The following SBF2 variants were observed in gnomAD, a reference collection of about 807,000 sequenced individuals.
The protein encoded by SBF2 is SET binding factor 2.
In SBF2, 112 loss-of-function variants were observed where a neutral mutation model predicts 225.2. The observed-to-expected ratio is 0.50, with a 90% CI of 0.43 to 0.58. SBF2 has a LOEUF of 0.58. Ranked by LOEUF, SBF2 falls within the 20% of genes least tolerant of loss-of-function variation. SBF2 has a pLI of 0.00. For missense variants in SBF2, 1,996 were observed against 2,206.2 expected, an observed-to-expected ratio of 0.90 and a Z score of 1.91; for synonymous variants, 763 against 773.3, an observed-to-expected ratio of 0.99 and a Z score of 0.22.
intron 25 of SBF2, among the ~76,000 whole-genome samples, chr11:9,840,240 C>T (rs569479265): frequency 2.0e-4 from 29 of 146,770 alleles, no homozygotes; most frequent in African/African-American, 6.4e-4. Context: ...TCTCAAACCC[C>T]GCCCCCAGCC....
chr11:10,098,230 A>C (rs982773922), intron 2 of SBF2, among the ~76,000 whole-genome samples: 20 of 152,140 alleles, frequency 1.3e-4, no homozygotes, highest in African/African-American at 4.6e-4. Context: ...GAGAAAATTA[A>C]AGGAGGCTCT....
In SBF2 at chr11:10,254,900, C is replaced by CAAAAAAAA. The variant is rs71034757; in HGVS notation, c.55+39107_55+39114dup. 2.0e-3 allele frequency among the ~76,000 whole-genome samples: 87 copies of CAAAAAAAA among 44,070 alleles called. 3 individuals are homozygous for CAAAAAAAA. Among genetic ancestry groups the CAAAAAAAA allele is most frequent in the African/African-American group, 5.1e-3 (54 of 10,552 alleles). The allele number at this position is 44,070 out of a possible 152,430, so 28.9% of individuals were successfully genotyped here. On this transcript the variant is annotated intron_variant, in intron 1 of 39. Coordinates refer to ENST00000256190, the MANE Select transcript of SBF2 (RefSeq NM_030962.4). The stretch of plus-strand genomic sequence containing the variant: ...TGGGTGACAGAGTGAGACTCTGTCT[C>CAAAAAAAA]AAAAAAAAAAAAAAAAAAAAAAAAA...
At chr11:10,019,601 G>A (rs1243044387) in intron 6 of SBF2, among the ~76,000 whole-genome samples, 1 of 150,778 alleles carries the variant, frequency 6.6e-6, no homozygotes, top group Non-Finnish European at 1.5e-5. Context: ...AGACCCTTAT[G>A]ACAAAAGACA....
At chr11:9,851,132 T>G in intron 21 of SBF2, among the ~76,000 whole-genome samples, 1 of 101,980 alleles carries the variant, frequency 9.8e-6, no homozygotes, top group Admixed American at 1.1e-4. Flanking sequence ...CAAGACTCCA[T>G]CTCAAAAAAA....
rs138281625 is a variant in SBF2, at chr11:10,070,767, C to T, written c.142-27786G>A. Among the ~76,000 whole-genome samples, 499 of 152,246 alleles carry T rather than the reference C, an allele frequency of 3.3e-3. 3 individuals are homozygous for T. Among genetic ancestry groups the T allele is most frequent in the Non-Finnish European group, 4.0e-3 (269 of 68,020 alleles). ...ACTTTGGGCCATATGGCCATTTTCA[C>T]GGTATTGATTCTTCCTATCCATGAG... On this transcript the variant is annotated intron_variant, in intron 2 of 39. Transcript: ENST00000256190.
chr11:9,938,702 A>C (rs1865058067), intron 16 of SBF2, among the ~76,000 whole-genome samples: 1 of 152,200 alleles, frequency 6.6e-6, no homozygotes, highest in African/African-American at 2.4e-5. Flanking sequence ...CTTTCAGAAG[A>C]AAATAAAACT....
At chr11:10,207,837 C>T (rs1168436163) in intron 1 of SBF2, among the ~76,000 whole-genome samples, 2 of 152,062 alleles carry the variant, frequency 1.3e-5, no homozygotes, top group Non-Finnish European at 2.9e-5. Flanking sequence ...CTCACAAGCA[C>T]TTATTTAACT....
At chr11:9,921,963 G>A (rs1863665708) in intron 16 of SBF2, among the ~76,000 whole-genome samples, 2 of 152,156 alleles carry the variant, frequency 1.3e-5, no homozygotes, top group Non-Finnish European at 2.9e-5. Flanking sequence ...AAGCCTTCAC[G>A]GGCTGGGCAT....
chr11:9,842,721 T>A lies in SBF2; in HGVS notation c.3160A>T (p.Thr1054Ser), dbSNP rs1856250521. The A allele has an allele frequency of 1.2e-6, 2 of 1,614,062 alleles. No individual in the cohort carries two copies. The highest frequency in any genetic ancestry group is 1.3e-5 in the African/African-American group (1 of 74,942). Reference sequence around the variant, plus strand: ...TTCAGTAAATATTGCCGCCCAATTGTCATTTTCCCTGCCCTTTTGGCACCT... The same window carrying A: ...TTCAGTAAATATTGCCGCCCAATTGACATTTTCCCTGCCCTTTTGGCACCT... ...VKGAKRAGKM[T>S]IGRQYLLKKK... The change falls in exon 25 of 40, where the codon ACA becomes TCA. Residue 1054 changes from threonine (T) to serine (S), a missense_variant. Coordinates refer to ENST00000256190, the MANE Select transcript of SBF2 (RefSeq NM_030962.4).
At chr11:10,099,469 T>C (rs1952185607) in intron 2 of SBF2, among the ~76,000 whole-genome samples, 1 of 152,200 alleles carries the variant, frequency 6.6e-6, no homozygotes, top group South Asian at 2.1e-4. Flanking sequence ...GGGGGTTCTT[T>C]AACCTGAAAC....
At chr11:9,921,085 T>TG (rs1198808630) in intron 16 of SBF2, among the ~76,000 whole-genome samples, 1 of 146,162 alleles carries the variant, frequency 6.8e-6, no homozygotes, top group Non-Finnish European at 1.5e-5. Flanking sequence ...TTTTTTTTTT[T>TG]TGGAGCTGGA....
Position 9,846,996 on chromosome 11 carries a change from T to C in SBF2, c.2894A>G (p.Asn965Ser), listed in dbSNP as rs1008248276. Residue 965 changes from asparagine to serine, a missense_variant, in exon 23 of 40, where the codon AAC becomes AGC. By Grantham distance (46) the Asn-to-Ser change is conservative. Coordinates refer to ENST00000256190, the MANE Select transcript of SBF2 (RefSeq NM_030962.4). ...TGTGATCTGCAGTCCTTCTTGCATG[T>C]TCTGCTGTAGCTGGTTCTGCATTGT... is the stretch of plus-strand genomic sequence containing the variant. ...KITMQNQLQQ[N>S]MQEGLQITSA... 1.2e-6 allele frequency: 2 copies of C among 1,613,862 alleles called. No homozygotes were observed. Among genetic ancestry groups the C allele is most frequent in the Non-Finnish European group, 8.5e-7 (1 of 1,179,738 alleles).
chr11:9,888,194 C>T (rs1317169649), intron 17 of SBF2, among the ~76,000 whole-genome samples: 1 of 151,986 alleles, frequency 6.6e-6, no homozygotes, highest in East Asian at 1.9e-4. Context: ...AACTATGTTC[C>T]CTATTAGAAA....
intron 17 of SBF2, among the ~76,000 whole-genome samples, chr11:9,882,237 C>T (rs1346161733): frequency 6.6e-6 from 1 of 152,096 alleles, no homozygotes; most frequent in African/African-American, 2.4e-5. Flanking sequence ...GAAAACAAAC[C>T]TCTTCATAAT....
At chr11:9,968,992 T>G (rs1000793700) in intron 13 of SBF2, among the ~76,000 whole-genome samples, 1 of 151,894 alleles carries the variant, frequency 6.6e-6, no homozygotes, top group Non-Finnish European at 1.5e-5. Context: ...TACCCACATG[T>G]TTAACTCTCT....
chr11:9,849,226 T>C (rs1351867647), intron 22 of SBF2, among the ~76,000 whole-genome samples: 2 of 145,004 alleles, frequency 1.4e-5, no homozygotes, highest in Non-Finnish European at 3.0e-5. Flanking sequence ...ACAGCCAACA[T>C]TAAGAACCAC....
intron 36 of SBF2, among the ~76,000 whole-genome samples, chr11:9,785,744 A>G (rs1852330522): frequency 6.6e-6 from 1 of 151,714 alleles, no homozygotes; most frequent in Non-Finnish European, 1.5e-5. Flanking sequence ...GTGTGCCTGT[A>G]GTCCCAGCTA....
intron 1 of SBF2, among the ~76,000 whole-genome samples, chr11:10,277,635 C>G (rs963494110): frequency 7.2e-5 from 11 of 152,142 alleles, no homozygotes; most frequent in African/African-American, 2.4e-4. Context: ...AGTTAAGGAT[C>G]TTCTGATGAA....
At chr11:9,879,841 T>C (rs1163464285) in intron 17 of SBF2, among the ~76,000 whole-genome samples, 1 of 152,078 alleles carries the variant, frequency 6.6e-6, no homozygotes, top group East Asian at 1.9e-4. Context: ...CCCAGCACTT[T>C]GGGAGGCCAA....
Sources: allele counts gnomAD v4.1 joint callset (sites outside exome capture counted in the v4.1 genomes callset), GRCh38; gene constraint gnomAD v4.1.1; transcripts MANE v1.5; gene names NCBI Gene and HGNC (gene_info 2026-07-23, HGNC 2026-07-21).